RAD51B: variants seen among roughly 807,000 people sequenced by gnomAD.
The protein encoded by RAD51B is DNA repair protein RAD51 homolog 2.
Under a neutral mutation model 42.2 loss-of-function variants are expected in RAD51B, and 38 were observed. The ratio of observed to expected loss-of-function variants is 0.90; its 90% CI spans 0.70 to 1.18. The LOEUF is 1.18. Ranked by LOEUF, RAD51B falls within the 50% of genes most tolerant of loss-of-function variation. The probability of loss-of-function intolerance (pLI) is 0.00; values close to 1 mark genes in which losing one functional copy is unlikely to be tolerated. For synonymous variants in RAD51B, 154 were observed against 145.2 expected, an observed-to-expected ratio of 1.06 and a Z score of -0.43; for missense variants, 373 against 400.7, an observed-to-expected ratio of 0.93 and a Z score of 0.59.
chr14:68,358,190 A>G (rs2082947127), intron 8 of RAD51B, among the ~76,000 whole-genome samples: 1 of 152,236 alleles, frequency 6.6e-6, no homozygotes, highest in Non-Finnish European at 1.5e-5. Context: ...ATATAATTAT[A>G]ATGAAAAAGT....
chr14:68,018,694 G>A lies in RAD51B; in HGVS notation c.756+131490G>A, dbSNP rs902410796. On this transcript the variant is annotated intron_variant, in intron 7 of 10. Coordinates refer to ENST00000471583, the MANE Select transcript of RAD51B (RefSeq NM_133510.4). The stretch of plus-strand genomic sequence containing the variant: ...CTTAAACATTTCTGTATCACTGACA[G>A]CCACTCAAACAGTACTCATAAAAAA... 3.9e-5 allele frequency among the ~76,000 whole-genome samples: 6 copies of A among 152,108 alleles called. No individual in the cohort carries two copies. In the South Asian group the frequency reaches 6.2e-4, roughly 16 times the overall value.
At chr14:68,111,562 TTC>T (rs1249834286) in intron 7 of RAD51B, among the ~76,000 whole-genome samples, 1 of 152,092 alleles carries the variant, frequency 6.6e-6, no homozygotes, top group Non-Finnish European at 1.5e-5. Flanking sequence ...TGTGTGACAG[TTC>T]TCTCTTTTCT....
At chr14:68,494,571 G>C (rs1434821937) in intron 10 of RAD51B, among the ~76,000 whole-genome samples, 1 of 152,102 alleles carries the variant, frequency 6.6e-6, no homozygotes, top group Non-Finnish European at 1.5e-5. Flanking sequence ...GTCTAGATGG[G>C]CACTTTCTTT....
intron 10 of RAD51B, among the ~76,000 whole-genome samples, chr14:68,487,701 G>GTTTTTTT (rs1226953213): frequency 5.9e-5 from 9 of 151,996 alleles, no homozygotes; most frequent in African/African-American, 1.9e-4. Flanking sequence ...TAAAGATGGG[G>GTTTTTTT]TTTTGCAATG....
chr14:68,588,277 C>T (rs1288442418), intron 10 of RAD51B, among the ~76,000 whole-genome samples: 1 of 152,222 alleles, frequency 6.6e-6, no homozygotes, highest in Non-Finnish European at 1.5e-5. Context: ...CTGGTACCAG[C>T]AGGCTCCTAC....
intron 7 of RAD51B, among the ~76,000 whole-genome samples, chr14:68,210,149 A>T (rs2079675815): frequency 6.6e-6 from 1 of 151,978 alleles, no homozygotes; most frequent in Admixed American, 6.6e-5. Flanking sequence ...TAGTAGAGAC[A>T]GGATTTCACC....
chr14:68,089,776 T>A (rs770305280), intron 7 of RAD51B, among the ~76,000 whole-genome samples: 2 of 152,210 alleles, frequency 1.3e-5, no homozygotes, highest in Admixed American at 6.5e-5. Flanking sequence ...AAAAGACCTT[T>A]TGTATTTAAA....
At chr14:68,631,357 C>T (rs1892223203) in intron 10 of RAD51B, among the ~76,000 whole-genome samples, 2 of 152,124 alleles carry the variant, frequency 1.3e-5, no homozygotes, top group South Asian at 4.2e-4. Flanking sequence ...GGAACAGAAC[C>T]GTCCCTCATA....
chr14:67,979,746 T>C (rs1448534069), intron 7 of RAD51B, among the ~76,000 whole-genome samples: 1 of 152,184 alleles, frequency 6.6e-6, no homozygotes, highest in Non-Finnish European at 1.5e-5. Context: ...TGTCTGTTCT[T>C]TTTTTCCCAA....
chr14:68,390,719 A>G (rs1210935556), intron 8 of RAD51B, among the ~76,000 whole-genome samples: 1 of 152,180 alleles, frequency 6.6e-6, no homozygotes, highest in African/African-American at 2.4e-5. Flanking sequence ...GTCATACTTC[A>G]TTTTTCAGTT....
intron 7 of RAD51B, among the ~76,000 whole-genome samples, chr14:68,019,136 A>C (rs76795662): frequency 0.036 from 5,526 of 152,116 alleles, 258 homozygotes; most frequent in African/African-American, 0.1. Context: ...GAAAAAAAAA[A>C]ACACACCAAA....
intron 9 of RAD51B, among the ~76,000 whole-genome samples, chr14:68,444,103 A>G (rs1457123423): frequency 6.6e-6 from 1 of 152,236 alleles, no homozygotes; most frequent in African/African-American, 2.4e-5. Context: ...AGAATGAAGA[A>G]CGGGTGTTCT....
intron 8 of RAD51B, among the ~76,000 whole-genome samples, chr14:68,294,268 A>G (rs1046279035): frequency 6.8e-6 from 1 of 146,840 alleles, no homozygotes; most frequent in Non-Finnish European, 1.5e-5. Context: ...CAGAAATCCA[A>G]CAAAGAATGG....
chr14:68,002,846 G>A (rs1256726992), intron 7 of RAD51B, among the ~76,000 whole-genome samples: 2 of 152,042 alleles, frequency 1.3e-5, no homozygotes, highest in Non-Finnish European at 2.9e-5. Context: ...ATAGGTGTGT[G>A]GTCTTATTCC....
chr14:68,160,279 C>A (rs2078610836), intron 7 of RAD51B, among the ~76,000 whole-genome samples: 2 of 152,056 alleles, frequency 1.3e-5, no homozygotes, highest in Non-Finnish European at 2.9e-5. Context: ...TTTATTTATG[C>A]CAGAACCTAA....
chr14:67,846,212 A>T (rs1457931766), intron 4 of RAD51B, among the ~76,000 whole-genome samples: 3 of 152,064 alleles, frequency 2.0e-5, no homozygotes, highest in African/African-American at 7.2e-5. Flanking sequence ...GCATATTCAT[A>T]CTGGTGGTGG....
At chr14:68,028,311 G>A (rs1317985771) in intron 7 of RAD51B, among the ~76,000 whole-genome samples, 1 of 152,202 alleles carries the variant, frequency 6.6e-6, no homozygotes, top group Non-Finnish European at 1.5e-5. Context: ...CTGTTACCAT[G>A]CCTGCCTTTC....
chr14:67,895,916 C>T (rs1566946748), intron 7 of RAD51B, among the ~76,000 whole-genome samples: 1 of 152,228 alleles, frequency 6.6e-6, no homozygotes, highest in East Asian at 1.9e-4. Flanking sequence ...TGTCTCTCCT[C>T]TGAGATTTTT....
In RAD51B at chr14:67,825,665, T is replaced by TA. The variant is rs1253473698; in HGVS notation, c.198+89dup. The TA allele has an allele frequency of 4.1e-5, 37 of 895,274 alleles. No individual in the cohort carries two copies. The African/African-American group carries it at 4.7e-4, about 11-fold the overall frequency. The allele number at this position is 895,274 out of a possible 1,614,324, so 55.5% of individuals were successfully genotyped here. On this transcript the variant is annotated intron_variant, in intron 3 of 10. Coordinates refer to ENST00000471583, the MANE Select transcript of RAD51B (RefSeq NM_133510.4). Reference sequence around the variant, plus strand: ...TTTAGGGATGAGGCACATGCAGAAATAGAGATGAGTACCTCAAAAATACTG... The same window carrying TA: ...TTTAGGGATGAGGCACATGCAGAAATAAGAGATGAGTACCTCAAAAATACTG...
Sources: allele counts gnomAD v4.1 joint callset (sites outside exome capture counted in the v4.1 genomes callset), GRCh38; gene constraint gnomAD v4.1.1; transcripts MANE v1.5; gene names NCBI Gene and HGNC (gene_info 2026-07-23, HGNC 2026-07-21).